Variants in KCNAB2 observed in about 807,000 individuals in gnomAD.
KCNAB2 encodes voltage-gated potassium channel subunit beta-2.
In KCNAB2, 29 loss-of-function variants were observed where a neutral mutation model predicts 63.6. The ratio of observed to expected loss-of-function variants is 0.46; its 90% confidence interval spans 0.34 to 0.62. The LOEUF (loss-of-function observed/expected upper bound fraction) is 0.62. Ranked by LOEUF, KCNAB2 falls within the 20% of genes least tolerant of loss-of-function variation. The pLI is 0.01. For synonymous variants in KCNAB2, 222 were observed against 224.2 expected (o/e 0.99, Z 0.09); for missense variants, 359 against 563.9 (o/e 0.64, Z 3.68).
rs373689870 is a variant in KCNAB2, at chr1:6,100,003, A to C, written c.*1429A>C. 15 of 1,540,382 alleles carry C rather than the reference A, an allele frequency of 9.7e-6. No homozygotes were observed. The highest frequency in any genetic ancestry group is 1.1e-5 in the Non-Finnish European group (13 of 1,141,742). On this transcript the variant is annotated 3_prime_UTR_variant, in exon 16 of 16. Transcript: ENST00000378083. ...GCAGGGCTCCACTGAAGCCACCCCC[A>C]CCCCTCGCCAGCTAGCTCCATAGGG...
chr1:6,073,966 GA>G lies in KCNAB2; in HGVS notation c.300+197del, dbSNP rs1315845591. The G allele has an allele frequency of 1.9e-4, 115 of 603,410 alleles. No individual in the cohort carries two copies. In the East Asian group the frequency reaches 3.2e-3, roughly 17 times the overall value. 37.4% of individuals were successfully genotyped at this position (603,410 alleles called of 1,614,324 possible). On this transcript the variant is annotated intron_variant, in intron 4 of 15. Transcript: ENST00000378083. The surrounding 1 kb of genome is among the most constrained non-coding windows in gnomAD (Gnocchi z 5.7). ...GAGCCAGGTGGCCATGGCCAGAGGG[GA>G]TGCCGAGTCTGGTGCCATCACCCAG...
intron 1 of KCNAB2, among the ~76,000 whole-genome samples, chr1:6,022,750 T>C: frequency 6.6e-6 from 1 of 152,178 alleles, no homozygotes; most frequent in South Asian, 2.1e-4. Flanking sequence ...ATTTGTCATT[T>C]TGTGACTGGC....
rs1657369187 is a variant in KCNAB2 at position 6,003,340 on chromosome 1, G to C, written c.-53+10552G>C. Among the ~76,000 whole-genome samples, 1 of 152,150 alleles carries C rather than the reference G, an allele frequency of 6.6e-6. No individual in the cohort carries two copies. The highest frequency in any genetic ancestry group is 1.9e-4 in the East Asian group (1 of 5,178). ...ACACAGATCCTCCCCACCAGAGCAG[G>C]GTCATGGGGTCAGAGGCAGGGTCCG... On this transcript the variant is annotated intron_variant, in intron 1 of 16. Transcript: ENST00000341524. The surrounding 1 kb of genome is among the most constrained non-coding windows in gnomAD (Gnocchi z 4.1).
At chr1:6,083,441 TC>T (rs1664382527) in intron 5 of KCNAB2, among the ~76,000 whole-genome samples, 1 of 152,114 alleles carries the variant, frequency 6.6e-6, no homozygotes, top group East Asian at 1.9e-4. Flanking sequence ...GTTTCCATGT[TC>T]CCCTGTTTAA....
intron 4 of KCNAB2, among the ~76,000 whole-genome samples, chr1:6,080,738 G>C (rs370416694): frequency 6.6e-6 from 1 of 152,138 alleles, no homozygotes; most frequent in Non-Finnish European, 1.5e-5. Flanking sequence ...GCCTTCCCAC[G>C]TGCAGCATTT....
intron 2 of KCNAB2, among the ~76,000 whole-genome samples, chr1:6,065,561 G>T (rs1325663749): frequency 1.3e-5 from 2 of 152,114 alleles, no homozygotes; most frequent in African/African-American, 2.4e-5. Context: ...GCCCTGCGCA[G>T]CCCCCCAGGC....
intron 6 of KCNAB2, chr1:6,085,954 G>C: frequency 1.0e-6 from 1 of 985,500 alleles, no homozygotes; most frequent in Non-Finnish European, 1.2e-6. Flanking sequence ...GGAGCCCAAA[G>C]GTCGCAGATC....
At chr1:6,046,418 C>CCT (rs1367743591) in intron 1 of KCNAB2, among the ~76,000 whole-genome samples, 33 of 152,216 alleles carry the variant, frequency 2.2e-4, no homozygotes, top group Admixed American at 2.2e-3. Context: ...CCGGGCAGCA[C>CCT]CTCTCGCTTG....
chr1:5,996,365 C>A (rs752316140), intron 1 of KCNAB2, among the ~76,000 whole-genome samples: 1 of 152,210 alleles, frequency 6.6e-6, no homozygotes, highest in Non-Finnish European at 1.5e-5. Flanking sequence ...TTCCTGCACA[C>A]CCACCATGGG....
intron 1 of KCNAB2, among the ~76,000 whole-genome samples, chr1:5,997,275 G>C (rs375028054): frequency 6.6e-6 from 1 of 152,210 alleles, no homozygotes; most frequent in Non-Finnish European, 1.5e-5. Context: ...CCTCTTGGCA[G>C]TCTCTCAGCT....
rs1665671030 is a variant in KCNAB2 at position 6,096,723 on chromosome 1, C to T, written c.1036C>T (p.Arg346Cys). The T allele has an allele frequency of 1.3e-6, 2 of 1,593,874 alleles. No individual in the cohort carries two copies. Among genetic ancestry groups the T allele is most frequent in the Non-Finnish European group, 1.7e-6 (2 of 1,171,704 alleles). ...KLKELQAIAE[R>C]LGCTLPQLAI... ...GAAGGAGCTGCAGGCCATCGCCGAGCGCCTGGGCTGCACCCTGCCCCAGCT... is the reference window on the plus strand; with the variant it reads ...GAAGGAGCTGCAGGCCATCGCCGAGTGCCTGGGCTGCACCCTGCCCCAGCT... The change falls in exon 14 of 16, where the codon CGC (arginine) becomes TGC (cysteine). Residue 346 changes from arginine (R) to cysteine (C), a missense_variant. Transcript: ENST00000378083. This position sits in a 1 kb window ranked among gnomAD's most constrained non-coding sequence, Gnocchi z 5.9.
rs1657405876 is a variant in KCNAB2, at chr1:6,003,934, C to T, written c.-53+11146C>T. 6.6e-6 allele frequency among the ~76,000 whole-genome samples: 1 copy of T among 152,220 alleles called. No individual in the cohort carries two copies. Among genetic ancestry groups the T allele is most frequent in the Non-Finnish European group, 1.5e-5 (1 of 68,036 alleles). ...AAAGCTGCCTTTCAAATTGCTGCCG[C>T]AGCGCTGCCTGGCAAGATGTTAATC... On this transcript the variant is annotated intron_variant, in intron 1 of 16. Coordinates refer to the KCNAB2 transcript ENST00000341524. This position sits in a 1 kb window ranked among gnomAD's most constrained non-coding sequence, Gnocchi z 4.1.
chr1:6,062,620 A>G (rs376717799), intron 2 of KCNAB2, among the ~76,000 whole-genome samples: 2 of 151,962 alleles, frequency 1.3e-5, no homozygotes, highest in Admixed American at 6.6e-5. Flanking sequence ...GCGCTCGGAG[A>G]AGGGAGGGGT....
chr1:6,020,271 G>A (rs1167413719), intron 1 of KCNAB2, among the ~76,000 whole-genome samples: 1 of 152,172 alleles, frequency 6.6e-6, no homozygotes, highest in Non-Finnish European at 1.5e-5. Context: ...GAACCACTGT[G>A]AGGTCCCCAT....
intron 2 of KCNAB2, among the ~76,000 whole-genome samples, chr1:6,055,938 A>G (rs1014581144): frequency 1.3e-5 from 2 of 152,242 alleles, no homozygotes; most frequent in African/African-American, 4.8e-5. Flanking sequence ...ACCTGGGGAT[A>G]GGCACTGCCC....
At position 6,086,067 on chromosome 1, in the gene KCNAB2, G is replaced by A; in HGVS notation, c.425+819G>A. On this transcript the variant is annotated intron_variant, in intron 6 of 15. Transcript: ENST00000378083. The surrounding 1 kb of genome is among the most constrained non-coding windows in gnomAD (Gnocchi z 4.2). ...TGGGCTGAGCACTTGCCTACATTTT[G>A]AGGCTCCCCAGACCCCTGGACACAG... The A allele has an allele frequency of 1.0e-6, 1 of 985,432 alleles. No individual in the cohort carries two copies. Among genetic ancestry groups the A allele is most frequent in the Non-Finnish European group, 1.2e-6 (1 of 829,938 alleles). The allele number at this position is 985,432 out of a possible 1,614,324, so 61.0% of individuals were successfully genotyped here.
chr1:6,086,669 G>A lies in KCNAB2; in HGVS notation c.426-798G>A, dbSNP rs1009751906. Reference sequence around the variant, plus strand: ...GCCATCATTATCCCCCATCCCACCAGGACAAAGCCACTGGTATGGGCATTT... The same window carrying A: ...GCCATCATTATCCCCCATCCCACCAAGACAAAGCCACTGGTATGGGCATTT... On this transcript the variant is annotated intron_variant, in intron 6 of 15. Coordinates refer to ENST00000378083, the MANE Select transcript of KCNAB2 (RefSeq NM_001199862.2). This position sits in a 1 kb window ranked among gnomAD's most constrained non-coding sequence, Gnocchi z 4.2. 6.6e-6 allele frequency among the ~76,000 whole-genome samples: 1 copy of A among 152,142 alleles called. No individual in the cohort carries two copies. Among genetic ancestry groups the A allele is most frequent in the Non-Finnish European group, 1.5e-5 (1 of 68,006 alleles).
chr1:6,097,556 G>A (rs1363888232), intron 15 of KCNAB2, 199 bp downstream of exon 15: 3 of 929,052 alleles, frequency 3.2e-6, no homozygotes, highest in Non-Finnish European at 4.9e-6. Flanking sequence ...AAACAAGGAG[G>A]TTAGAATGTG....
upstream of KCNAB2, among the ~76,000 whole-genome samples, chr1:6,031,118 G>C (rs984155082): frequency 6.6e-6 from 1 of 152,106 alleles, no homozygotes; most frequent in African/African-American, 2.4e-5. This position sits in a 1 kb window ranked among gnomAD's most constrained non-coding sequence, Gnocchi z 4.1. Context: ...CCCACACCAG[G>C]TCAAATCAGA....
Sources: allele counts gnomAD v4.1 joint callset (sites outside exome capture counted in the v4.1 genomes callset), GRCh38; gene constraint gnomAD v4.1.1; non-coding constraint Gnocchi (gnomAD v3.1); transcripts MANE v1.5; gene names NCBI Gene and HGNC (gene_info 2026-07-23, HGNC 2026-07-21).